The following EML4 variants were observed in gnomAD, a reference collection of about 807,000 sequenced individuals.
The protein encoded by EML4 is echinoderm microtubule-associated protein-like 4.
In EML4, 72 loss-of-function variants were observed where a neutral mutation model predicts 129.0. The ratio of observed to expected loss-of-function variants is 0.56; its 90% CI spans 0.46 to 0.68. The LOEUF is 0.68. Ranked by LOEUF, EML4 falls within the 30% of genes least tolerant of loss-of-function variation. EML4 has a pLI of 0.00. For synonymous variants in EML4, 532 were observed against 405.0 expected (o/e 1.31, Z -3.77); for missense variants, 1,363 against 1,190.6 (o/e 1.14, Z -2.13).
intron 2 of EML4, among the ~76,000 whole-genome samples, chr2:42,251,514 G>A (rs1425102182): frequency 6.6e-6 from 1 of 152,202 alleles, no homozygotes; most frequent in African/African-American, 2.4e-5. Context: ...ATCTTCCTGT[G>A]AAATAAGAGG....
Position 42,331,802 on chromosome 2 carries a change from G to T in EML4, c.*1595G>T. The T allele has an allele frequency of 1.8e-5, 4 of 222,368 alleles. No homozygotes were observed. The highest frequency in any genetic ancestry group is 3.6e-5 in the Non-Finnish European group (4 of 110,906). The allele number at this position is 222,368 out of a possible 1,614,324, so 13.8% of individuals were successfully genotyped here. On this transcript the variant is annotated 3_prime_UTR_variant, in exon 23 of 23. Transcript: ENST00000318522. ...TTCACACGCTGTATGGAAGGGTGTG[G>T]GTGTGTGTGAAGGGGCGAGTGGAGA...
At chr2:42,310,298 C>CCCTTTCCCTTCCCCTTT (rs1668861861) in intron 17 of EML4, among the ~76,000 whole-genome samples, 1 of 151,308 alleles carries the variant, frequency 6.6e-6, no homozygotes, top group Non-Finnish European at 1.5e-5. Flanking sequence ...CCTTCCCATT[C>CCCTTTCCCTTCCCCTTT]CCCTTTCCCT....
At chr2:42,184,969 T>C (rs1351087586) in intron 1 of EML4, among the ~76,000 whole-genome samples, 1 of 152,204 alleles carries the variant, frequency 6.6e-6, no homozygotes. Context: ...AACCATAGGA[T>C]CAGTGGATTG....
chr2:42,288,408 T>A, intron 11 of EML4, 86 bp downstream of exon 11: 1 of 622,888 alleles, frequency 1.6e-6, no homozygotes, highest in Non-Finnish European at 2.7e-6. Context: ...ATTAGAACTA[T>A]CTATTCGTAA....
At chr2:42,205,775 G>T (rs1184649396) in intron 1 of EML4, among the ~76,000 whole-genome samples, 1 of 152,048 alleles carries the variant, frequency 6.6e-6, no homozygotes, top group Non-Finnish European at 1.5e-5. Context: ...ATTTTCTTTG[G>T]GTTAGAATTC....
At chr2:42,201,548 T>A (rs989164366) in intron 1 of EML4, among the ~76,000 whole-genome samples, 1 of 152,196 alleles carries the variant, frequency 6.6e-6, no homozygotes, top group African/African-American at 2.4e-5. Flanking sequence ...ATGCCTGCAC[T>A]CTCATGTTCA....
intron 6 of EML4, among the ~76,000 whole-genome samples, chr2:42,273,921 C>T (rs1217524434): frequency 6.6e-6 from 1 of 152,106 alleles, no homozygotes; most frequent in Non-Finnish European, 1.5e-5. Context: ...TTTTAAAATA[C>T]TGAATTATAA....
chr2:42,191,229 ATATGTAT>A (rs1415404841), intron 1 of EML4, among the ~76,000 whole-genome samples: 2 of 152,176 alleles, frequency 1.3e-5, no homozygotes, highest in African/African-American at 4.8e-5. Context: ...ATAAAGTAAA[ATATGTAT>A]TATGTACATA....
intron 1 of EML4, among the ~76,000 whole-genome samples, chr2:42,208,302 A>T (rs1672680666): frequency 6.6e-6 from 1 of 152,084 alleles, no homozygotes; most frequent in African/African-American, 2.4e-5. Flanking sequence ...ATTTAGAACC[A>T]GATTTTTTTA....
At chr2:42,221,647 A>G (rs1673606353) in intron 1 of EML4, among the ~76,000 whole-genome samples, 1 of 151,728 alleles carries the variant, frequency 6.6e-6, no homozygotes, top group Non-Finnish European at 1.5e-5. Flanking sequence ...CTTGTTGCCC[A>G]AGCTGGAATG....
intron 1 of EML4, among the ~76,000 whole-genome samples, chr2:42,236,406 A>G (rs1460400467): frequency 1.3e-5 from 2 of 152,224 alleles, no homozygotes; most frequent in African/African-American, 4.8e-5. Flanking sequence ...CTTTTGATGT[A>G]TGTATGTCTG....
At chr2:42,277,604 C>T (rs1045028848) in intron 6 of EML4, among the ~76,000 whole-genome samples, 2 of 147,186 alleles carry the variant, frequency 1.4e-5, no homozygotes, top group Non-Finnish European at 3.0e-5. Flanking sequence ...GAGTCTCACT[C>T]TGTCGCCAGG....
At chr2:42,277,737 T>G (rs774737728) in intron 6 of EML4, among the ~76,000 whole-genome samples, 4 of 151,982 alleles carry the variant, frequency 2.6e-5, no homozygotes, top group Non-Finnish European at 4.4e-5. Flanking sequence ...CCCAGCTAAA[T>G]TTTGTATTTT....
chr2:42,331,236 C>CT lies in EML4; in HGVS notation c.*1037dup, dbSNP rs1443427145. 32 of 220,250 alleles carry CT rather than the reference C, an allele frequency of 1.5e-4. No individual in the cohort carries two copies. Among genetic ancestry groups the CT allele is most frequent in the East Asian group, 2.7e-4 (4 of 14,878 alleles). The allele number at this position is 220,250 out of a possible 1,614,324, so 13.6% of individuals were successfully genotyped here. ...TAAGATACTCATCAAATTGCAAATT[C>CT]TTTTTTTTACAGAAGTGTGGGTAAC... On this transcript the variant is annotated 3_prime_UTR_variant, in exon 23 of 23. Transcript: ENST00000318522.
chr2:42,240,865 G>A (rs559969767), intron 1 of EML4, among the ~76,000 whole-genome samples: 1 of 152,186 alleles, frequency 6.6e-6, no homozygotes, highest in African/African-American at 2.4e-5. Flanking sequence ...AGATGGCCGG[G>A]CGTGGTGGCT....
rs1009006453 is a variant in EML4, at chr2:42,169,771, C to T, written c.25+135C>T. 8.1e-6 allele frequency: 8 copies of T among 982,316 alleles called. No individual in the cohort carries two copies. In the African/African-American group the frequency reaches 1.0e-4, roughly 12 times the overall value. The allele number at this position is 982,316 out of a possible 1,614,324, so 60.8% of individuals were successfully genotyped here. On this transcript the variant is annotated intron_variant, in intron 1 of 22. Transcript: ENST00000318522. ...TCCACTGCACATGTTCCCTTCGAGGCTGCCGCCCCTCCGCGGACTCCGGTG... is the reference window on the plus strand; with the variant it reads ...TCCACTGCACATGTTCCCTTCGAGGTTGCCGCCCCTCCGCGGACTCCGGTG...
intron 20 of EML4, chr2:42,325,946 GA>G (rs890941729): frequency 1.0e-3 from 264 of 264,674 alleles, no homozygotes; most frequent in Middle Eastern, 3.6e-3. Context: ...CTTTTTAGAG[GA>G]AAAAAAAAAC....
In EML4 at chr2:42,261,186, A is replaced by G. The variant is rs757720558; in HGVS notation, c.404A>G (p.Asn135Ser). The change falls in exon 4 of 23, where the codon AAT (asparagine) becomes AGT (serine). Residue 135 changes from asparagine to serine, a missense_variant. Asn to Ser is a conservative substitution (Grantham distance 46). Transcript: ENST00000318522. Reference protein sequence around the residue: ...QREKKEESHSNDQSPQIRASP... With the variant: ...QREKKEESHSSDQSPQIRASP... Reference sequence around the variant, plus strand: ...GAAAAAAAAGAGGAATCTCATTCTAATGATCAAAGTCCACAAATTCGAGCA... The same window carrying G: ...GAAAAAAAAGAGGAATCTCATTCTAGTGATCAAAGTCCACAAATTCGAGCA... The G allele has an allele frequency of 6.2e-7, 1 of 1,613,984 alleles. No individual in the cohort carries two copies. The highest frequency in any genetic ancestry group is 1.7e-5 in the Admixed American group (1 of 60,020).
chr2:42,313,050 GCCATT>G (rs1230603711), intron 17 of EML4, among the ~76,000 whole-genome samples: 2 of 140,838 alleles, frequency 1.4e-5, no homozygotes, highest in Admixed American at 1.5e-4. Flanking sequence ...CTGCGTTCAC[GCCATT>G]CTCCTGCCTC....
Sources: allele counts gnomAD v4.1 joint callset (sites outside exome capture counted in the v4.1 genomes callset), GRCh38; gene constraint gnomAD v4.1.1; transcripts MANE v1.5; gene names NCBI Gene and HGNC (gene_info 2026-07-23, HGNC 2026-07-21).